The following ADGB variants were observed in gnomAD, a reference collection of about 807,000 sequenced individuals.
The protein encoded by ADGB is calpain-7-like protein.
A neutral mutation model predicts 210.5 loss-of-function variants in ADGB; 172 were observed. The observed-to-expected ratio is 0.82, with a 90% CI of 0.72 to 0.93. ADGB has a LOEUF of 0.93. Ranked by LOEUF, ADGB falls within the 40% of genes least tolerant of loss-of-function variation. The pLI is 0.00. For synonymous variants in ADGB, 658 were observed against 662.7 expected, an observed-to-expected ratio of 0.99 and a Z score of 0.11; for missense variants, 2,025 against 1,964.8, an observed-to-expected ratio of 1.03 and a Z score of -0.58.
At position 146,615,057 on chromosome 6, in the gene ADGB, C is replaced by T. The variant is rs192036237; in HGVS notation, c.74+15943C>T. Among the ~76,000 whole-genome samples the T allele has an allele frequency of 1.6e-3, 236 of 150,590 alleles. 4 individuals carry two copies. The East Asian group carries it at 0.034, about 21-fold the overall frequency. Reference sequence around the variant, plus strand: ...CTGGGACTACAGGCGCCCACCACCACGCCCGGCTAATTTTTTTTTTTTTGT... The same window carrying T: ...CTGGGACTACAGGCGCCCACCACCATGCCCGGCTAATTTTTTTTTTTTTGT... On this transcript the variant is annotated intron_variant, in intron 1 of 35. Coordinates refer to ENST00000397944, the MANE Select transcript of ADGB (RefSeq NM_024694.4).
At chr6:146,697,257 GTATTGGGTGA>G (rs1429383144) in intron 12 of ADGB, among the ~76,000 whole-genome samples, 1 of 152,158 alleles carries the variant, frequency 6.6e-6, no homozygotes, top group Non-Finnish European at 1.5e-5. Flanking sequence ...AATAACTGGT[GTATTGGGTGA>G]TATGAGTGCA....
intron 7 of ADGB, 31 bp from the exon 8 acceptor site, chr6:146,672,189 T>C: frequency 6.9e-7 from 1 of 1,455,810 alleles, no homozygotes; most frequent in Non-Finnish European, 9.1e-7. Context: ...AAACATCGTT[T>C]GGAAATTAAT....
intron 27 of ADGB, among the ~76,000 whole-genome samples, chr6:146,755,679 C>A (rs1319650470): frequency 6.6e-6 from 1 of 151,978 alleles, no homozygotes; most frequent in Non-Finnish European, 1.5e-5. Context: ...ATATAAAATG[C>A]AAGATTCTTG....
chr6:146,709,778 A>T (rs112963529), intron 13 of ADGB, among the ~76,000 whole-genome samples: 332 of 152,288 alleles, frequency 2.2e-3, no homozygotes, highest in African/African-American at 7.7e-3. Flanking sequence ...AGTAGAGGGT[A>T]TCTCTCTTTT....
intron 2 of ADGB, among the ~76,000 whole-genome samples, chr6:146,638,666 A>G (rs111902029): frequency 1.3e-5 from 2 of 150,876 alleles, no homozygotes; most frequent in African/African-American, 4.9e-5. Context: ...ATGATGAGTT[A>G]CTGGGTGCAG....
chr6:146,615,482 AATT>A (rs1780784640), intron 1 of ADGB, among the ~76,000 whole-genome samples: 1 of 152,206 alleles, frequency 6.6e-6, no homozygotes, highest in Non-Finnish European at 1.5e-5. Context: ...ATATACAATA[AATT>A]ATTGTTAAAT....
intron 9 of ADGB, among the ~76,000 whole-genome samples, chr6:146,677,477 T>A (rs1350325380): frequency 1.3e-5 from 2 of 152,150 alleles, no homozygotes; most frequent in Non-Finnish European, 2.9e-5. Flanking sequence ...ACATGTCTAG[T>A]GATGTGGATA....
Position 146,788,605 on chromosome 6 carries a change from A to G in ADGB, c.4532A>G (p.Asn1511Ser). Reference protein sequence around the residue: ...EEREQSTRKENIQTGPRTRSP... With the variant: ...EEREQSTRKESIQTGPRTRSP... ...CGCGAGCAGAGCACACGGAAGGAAA[A>G]CATTCGTAAGTATTGCTGTCATTGG... The change falls in exon 33 of 36, where the codon AAC (asparagine) becomes AGC (serine). Residue 1511 changes from asparagine (N) to serine (S), a missense_variant. Coordinates refer to ENST00000397944, the MANE Select transcript of ADGB (RefSeq NM_024694.4). The G allele has an allele frequency of 6.4e-7, 1 of 1,551,276 alleles. No individual in the cohort carries two copies. The highest frequency in any genetic ancestry group is 1.2e-5 in the South Asian group (1 of 84,048).
At position 146,784,783 on chromosome 6, in the gene ADGB, A is replaced by G. The variant is rs1777849988; in HGVS notation, c.4201A>G (p.Arg1401Gly). The G allele has an allele frequency of 1.3e-6, 2 of 1,547,612 alleles. No homozygotes were observed. The highest frequency in any genetic ancestry group is 1.2e-5 in the South Asian group (1 of 83,184). The part of the protein sequence containing the change: ...KQAWETTEPG[R>G]AIKASQARLH... Reference sequence around the variant, plus strand: ...AGCCTGGGAGACAACTGAGCCAGGAAGAGCAATCAAGGTCACCTGATTTCG... The same window carrying G: ...AGCCTGGGAGACAACTGAGCCAGGAGGAGCAATCAAGGTCACCTGATTTCG... Residue 1401 changes from arginine (R) to glycine (G), a missense_variant, in exon 31 of 36, where the codon AGA becomes GGA. Transcript: ENST00000397944.
chr6:146,672,413 GA>G lies in ADGB; in HGVS notation c.1036del (p.Ser346ValfsTer3), dbSNP rs1344910580. 3 of 1,551,160 alleles carry G rather than the reference GA, an allele frequency of 1.9e-6. No individual in the cohort carries two copies. In the East Asian group the frequency reaches 7.3e-5, roughly 38 times the overall value. On this transcript the variant is annotated frameshift_variant, in exon 8 of 36. Coordinates refer to ENST00000397944, the MANE Select transcript of ADGB (RefSeq NM_024694.4). LOFTEE classifies it high-confidence loss of function. ...EVKDVKEFKP[E>X]SSLTTLKAPE... is the part of the protein sequence containing the mutation. Reference sequence around the variant, plus strand: ...AAAAGACGTGAAGGAATTCAAACCTGAAAGTTCTTTGACAACACTAAAGGCT... The same window carrying G: ...AAAAGACGTGAAGGAATTCAAACCTGAAGTTCTTTGACAACACTAAAGGCT...
At chr6:146,609,697 G>T (rs1406976594) in intron 1 of ADGB, among the ~76,000 whole-genome samples, 1 of 152,110 alleles carries the variant, frequency 6.6e-6, no homozygotes, top group Non-Finnish European at 1.5e-5. Flanking sequence ...TTCTACTTCA[G>T]TTATGAAGCT....
intron 4 of ADGB, among the ~76,000 whole-genome samples, chr6:146,654,454 A>G (rs1406358294): frequency 6.6e-6 from 1 of 151,892 alleles, no homozygotes; most frequent in Non-Finnish European, 1.5e-5. Flanking sequence ...CCGGGCTAAA[A>G]ATGATCCTCC....
At position 146,788,474 on chromosome 6, in the gene ADGB, AG is replaced by A; in HGVS notation, c.4404del (p.Ser1469ValfsTer9). ...ESKEMTQTGS[G>X]SAVWKKWQLT... ...GCAAAGAGATGACACAAACAGGATC[AG>A]GGAGTGCGGTGTGGAAGAAGTGGCA... is the stretch of plus-strand genomic sequence containing the variant. On this transcript the variant is annotated frameshift_variant, in exon 33 of 36. Coordinates refer to ENST00000397944, the MANE Select transcript of ADGB (RefSeq NM_024694.4). LOFTEE classifies it high-confidence loss of function. 1 of 1,551,672 alleles carries A rather than the reference AG, an allele frequency of 6.4e-7. No individual in the cohort carries two copies. Among genetic ancestry groups the A allele is most frequent in the Non-Finnish European group, 8.7e-7 (1 of 1,146,940 alleles).
chr6:146,599,803 A>G (rs1290018196), intron 1 of ADGB, among the ~76,000 whole-genome samples: 2 of 152,130 alleles, frequency 1.3e-5, no homozygotes, highest in Non-Finnish European at 2.9e-5. Context: ...CCAGTTATCC[A>G]CAGCATAGGA....
At chr6:146,659,161 G>A (rs1775822105) in intron 5 of ADGB, among the ~76,000 whole-genome samples, 1 of 152,102 alleles carries the variant, frequency 6.6e-6, no homozygotes. Flanking sequence ...TTCCTTTCCA[G>A]ACACACTCAA....
chr6:146,671,873 G>A (rs1335913781), intron 7 of ADGB, among the ~76,000 whole-genome samples: 1 of 152,092 alleles, frequency 6.6e-6, no homozygotes, highest in African/African-American at 2.4e-5. Context: ...TTCTACATAA[G>A]TGATCATGCA....
At chr6:146,628,998 A>G (rs1380594511) in intron 1 of ADGB, among the ~76,000 whole-genome samples, 1 of 152,214 alleles carries the variant, frequency 6.6e-6, no homozygotes, top group East Asian at 1.9e-4. Flanking sequence ...ATTTGTTTAC[A>G]TAGCAATATG....
chr6:146,657,523 A>T (rs73785197), intron 5 of ADGB, among the ~76,000 whole-genome samples: 37 of 152,302 alleles, frequency 2.4e-4, no homozygotes, highest in African/African-American at 8.9e-4. Flanking sequence ...TGTCAGTCCC[A>T]TGGGCACTTT....
At chr6:146,727,865 AC>A (rs1357232895) in intron 19 of ADGB, among the ~76,000 whole-genome samples, 2 of 152,120 alleles carry the variant, frequency 1.3e-5, no homozygotes, top group Admixed American at 6.5e-5. Context: ...TCAGTTTCTC[AC>A]CCTAGCAAGG....
Sources: allele counts gnomAD v4.1 joint callset (sites outside exome capture counted in the v4.1 genomes callset), GRCh38; gene constraint gnomAD v4.1.1; transcripts MANE v1.5; gene names NCBI Gene and HGNC (gene_info 2026-07-23, HGNC 2026-07-21).